FBXL17: variants seen among roughly 807,000 people sequenced by gnomAD.
The protein encoded by FBXL17 is F-box/LRR-repeat protein 17.
Under a neutral mutation model 66.2 loss-of-function variants are expected in FBXL17, and 22 were observed. The observed-to-expected ratio is 0.33, with a 90% CI of 0.24 to 0.47. The LOEUF is 0.47. FBXL17 is among the 20% of genes least tolerant of loss of function. The pLI is 1.00. For missense variants in FBXL17, 878 were observed against 948.2 expected (o/e 0.93, Z 0.97); for synonymous variants, 474 against 400.5 (o/e 1.18, Z -2.19).
intron 8 of FBXL17, among the ~76,000 whole-genome samples, chr5:107,877,700 T>C (rs568161523): frequency 6.6e-6 from 1 of 151,994 alleles, no homozygotes; most frequent in East Asian, 1.9e-4. Flanking sequence ...GACCAAGGGG[T>C]TTGTTGAGTA....
chr5:108,319,435 A>C (rs1759517238), intron 4 of FBXL17, among the ~76,000 whole-genome samples: 1 of 151,900 alleles, frequency 6.6e-6, no homozygotes, highest in Non-Finnish European at 1.5e-5. Flanking sequence ...AATGAATTTT[A>C]ACTATGCACT....
chr5:107,969,465 T>TA (rs1418005560), intron 7 of FBXL17, among the ~76,000 whole-genome samples: 1 of 152,126 alleles, frequency 6.6e-6, no homozygotes, highest in East Asian at 1.9e-4. Flanking sequence ...CAAATAAAGA[T>TA]ATCTTTCTTC....
chr5:108,370,456 T>C (rs553399344), intron 1 of FBXL17, among the ~76,000 whole-genome samples: 5 of 152,166 alleles, frequency 3.3e-5, no homozygotes, highest in Admixed American at 1.3e-4. Flanking sequence ...TAGAATATCA[T>C]AAAAGTGGCA....
intron 4 of FBXL17, among the ~76,000 whole-genome samples, chr5:108,268,692 G>T (rs1757143628): frequency 6.6e-6 from 1 of 152,020 alleles, no homozygotes; most frequent in Non-Finnish European, 1.5e-5. Context: ...ACTCAAAAGA[G>T]GTTGATATCA....
At chr5:107,869,585 A>T (rs1748383712) in intron 8 of FBXL17, among the ~76,000 whole-genome samples, 2 of 152,224 alleles carry the variant, frequency 1.3e-5, no homozygotes, top group African/African-American at 4.8e-5. Flanking sequence ...ACAGCTGACA[A>T]CATGTGCCTG....
intron 6 of FBXL17, among the ~76,000 whole-genome samples, chr5:108,061,454 C>T (rs1424444325): frequency 6.6e-6 from 1 of 152,092 alleles, no homozygotes; most frequent in African/African-American, 2.4e-5. Flanking sequence ...CCAGAACCAG[C>T]CTTTCCTGCT....
intron 4 of FBXL17, among the ~76,000 whole-genome samples, chr5:108,307,867 C>A (rs1758923890): frequency 6.6e-6 from 1 of 152,030 alleles, no homozygotes; most frequent in African/African-American, 2.4e-5. Flanking sequence ...AAAGGCAAAT[C>A]ATCAGAAACT....
chr5:108,217,717 T>G (rs892225817), intron 5 of FBXL17, among the ~76,000 whole-genome samples: 1 of 152,196 alleles, frequency 6.6e-6, no homozygotes, highest in Non-Finnish European at 1.5e-5. Context: ...ATAGATCTCT[T>G]GAACTTACTC....
intron 4 of FBXL17, among the ~76,000 whole-genome samples, chr5:108,341,613 G>A (rs1220558547): frequency 1.3e-5 from 2 of 151,958 alleles, no homozygotes; most frequent in East Asian, 3.9e-4. Flanking sequence ...TTTCACACTT[G>A]CTAAAATCTC....
intron 6 of FBXL17, among the ~76,000 whole-genome samples, chr5:108,083,653 C>T (rs2149921857): frequency 6.6e-6 from 1 of 152,062 alleles, no homozygotes; most frequent in South Asian, 2.1e-4. Flanking sequence ...AACAATCCAC[C>T]TGCCTTGGCC....
chr5:108,000,788 C>T (rs1477568958), intron 7 of FBXL17, among the ~76,000 whole-genome samples: 1 of 152,172 alleles, frequency 6.6e-6, no homozygotes, highest in Non-Finnish European at 1.5e-5. Context: ...TTAAATCAAC[C>T]TTCCGTTCTT....
chr5:107,920,227 A>T (rs75911247), intron 7 of FBXL17, among the ~76,000 whole-genome samples: 2,267 of 152,272 alleles, frequency 0.015, 61 homozygotes, highest in African/African-American at 0.051. Flanking sequence ...TTTTTGAGAC[A>T]GAGTCTCGCT....
chr5:107,945,157 A>C (rs1247254762), intron 7 of FBXL17, among the ~76,000 whole-genome samples: 1 of 152,120 alleles, frequency 6.6e-6, no homozygotes, highest in Non-Finnish European at 1.5e-5. Flanking sequence ...CACATACCTA[A>C]AAAGGCTCTA....
In FBXL17 at chr5:108,381,257, C is replaced by T. The variant is rs1749885375; in HGVS notation, c.435G>A (p.Gly145=). The T allele has an allele frequency of 6.3e-6, 9 of 1,437,232 alleles. No homozygotes were observed. The highest frequency in any genetic ancestry group is 8.2e-6 in the Non-Finnish European group (9 of 1,098,152). The allele number at this position is 1,437,232 out of a possible 1,614,324, so 89.0% of individuals were successfully genotyped here. ...GCTCCCAGGCGGCGGCCGCAGCCAG[C>T]CCCAACTCTTTGCAGCAGGAGGCGG... ...SSPASCCKEL[G]LAAAAAWEQQ... The change falls in exon 1 of 9, where the codon GGG becomes GGA. Residue 145 remains glycine (G), a synonymous_variant. Transcript: ENST00000542267.
intron 3 of FBXL17, among the ~76,000 whole-genome samples, chr5:108,356,483 A>G (rs1205002289): frequency 6.6e-6 from 1 of 152,138 alleles, no homozygotes; most frequent in Admixed American, 6.5e-5. Flanking sequence ...AGGCAATAGG[A>G]TATTATTCAT....
chr5:107,960,773 T>C lies in FBXL17; in HGVS notation c.1822+60152A>G, dbSNP rs141133879. On this transcript the variant is annotated intron_variant, in intron 7 of 8. Coordinates refer to ENST00000542267, the MANE Select transcript of FBXL17 (RefSeq NM_001163315.3). ...CTACAACTGAAAAAAATGCTAATAC[T>C]GTAACATTTATTGAATACCTATTTA... 4.3e-3 allele frequency among the ~76,000 whole-genome samples: 653 copies of C among 152,324 alleles called. 5 individuals are homozygous for C. The highest frequency in any genetic ancestry group is 0.015 in the African/African-American group (623 of 41,570).
intron 4 of FBXL17, among the ~76,000 whole-genome samples, chr5:108,285,714 G>C (rs1044415717): frequency 1.3e-5 from 2 of 151,830 alleles, no homozygotes; most frequent in South Asian, 4.1e-4. Flanking sequence ...TTTGTAAACA[G>C]TGGGCTTACA....
intron 6 of FBXL17, among the ~76,000 whole-genome samples, chr5:108,042,505 G>A (rs1040639286): frequency 6.8e-5 from 10 of 146,072 alleles, no homozygotes; most frequent in African/African-American, 2.5e-4. Flanking sequence ...CACAGAAATA[G>A]AATCATAGAG....
At chr5:108,205,983 G>A (rs1754100410) in intron 5 of FBXL17, among the ~76,000 whole-genome samples, 1 of 152,056 alleles carries the variant, frequency 6.6e-6, no homozygotes, top group African/African-American at 2.4e-5. Flanking sequence ...AGTACTTAAG[G>A]TCTGCTGTCT....
Sources: gnomAD v4.1 joint callset for allele counts (sites outside exome capture counted in the v4.1 genomes callset) on GRCh38, gnomAD v4.1.1 for gene constraint, MANE v1.5 for transcripts, NCBI Gene and HGNC (gene_info 2026-07-23, HGNC 2026-07-21) for gene names.